The following NRCAM variants were observed in gnomAD, a reference collection of about 807,000 sequenced individuals.
The protein encoded by NRCAM is neuronal cell adhesion molecule, also known as NgCAM-related cell adhesion molecule.
A neutral mutation model predicts 156.5 loss-of-function variants in NRCAM; 83 were observed. The observed-to-expected ratio is 0.53, with a 90% CI of 0.44 to 0.64. The LOEUF (loss-of-function observed/expected upper bound fraction) is 0.64. NRCAM is among the 30% of genes least tolerant of loss of function. NRCAM has a pLI of 0.00. For synonymous variants in NRCAM, 538 were observed against 563.9 expected (o/e 0.95, Z 0.65); for missense variants, 1,417 against 1,597.3 (o/e 0.89, Z 1.92).
At chr7:108,172,439 G>A (rs1003576004) in intron 28 of NRCAM, among the ~76,000 whole-genome samples, 2 of 152,098 alleles carry the variant, frequency 1.3e-5, no homozygotes, top group East Asian at 3.9e-4. Flanking sequence ...AGGACTACAG[G>A]TGTGTACTAC....
intron 11 of NRCAM, among the ~76,000 whole-genome samples, chr7:108,222,039 T>C (rs974476635): frequency 3.9e-5 from 6 of 152,062 alleles, no homozygotes; most frequent in Non-Finnish European, 5.9e-5. Context: ...ATGTATCTGA[T>C]GAAATAGCTT....
intron 3 of NRCAM, among the ~76,000 whole-genome samples, chr7:108,252,671 T>G (rs1001310285): frequency 6.6e-6 from 1 of 152,250 alleles, no homozygotes; most frequent in Non-Finnish European, 1.5e-5. Flanking sequence ...GTGTTTTCTC[T>G]GTCCATTTAA....
At chr7:108,327,783 C>T (rs1014824127) in intron 2 of NRCAM, among the ~76,000 whole-genome samples, 1 of 152,072 alleles carries the variant, frequency 6.6e-6, no homozygotes, top group African/African-American at 2.4e-5. Context: ...ATACAAAAAA[C>T]CTAAGGGAAA....
chr7:108,387,374 T>C (rs767381973), intron 2 of NRCAM, among the ~76,000 whole-genome samples: 1 of 152,148 alleles, frequency 6.6e-6, no homozygotes, highest in African/African-American at 2.4e-5. Flanking sequence ...GCTCTCTGTA[T>C]TGTCCAATTG....
At chr7:108,213,403 A>G (rs569141389) in intron 11 of NRCAM, among the ~76,000 whole-genome samples, 6 of 152,352 alleles carry the variant, frequency 3.9e-5, no homozygotes, top group Non-Finnish European at 7.3e-5. Context: ...AATGAATGCA[A>G]GGGTATCTCA....
At chr7:108,233,709 T>C (rs541852676) in intron 6 of NRCAM, among the ~76,000 whole-genome samples, 2 of 152,316 alleles carry the variant, frequency 1.3e-5, no homozygotes, top group South Asian at 4.1e-4. Flanking sequence ...AGGGGCCAGT[T>C]TGTGATAATT....
At chr7:108,406,714 T>C (rs528011894) in intron 1 of NRCAM, among the ~76,000 whole-genome samples, 3 of 152,356 alleles carry the variant, frequency 2.0e-5, no homozygotes, top group African/African-American at 7.2e-5. Context: ...AACCTTGAAC[T>C]TGAGTTTAAT....
rs920426082 is a variant in NRCAM, at chr7:108,456,403, G to C, written c.-492C>G. ...GCGCGTCTGAGGCTCGGACTGCGGC[G>C]CGCGTCCGCCAGCGACCCTGGCGAA... On this transcript the variant is annotated 5_prime_UTR_variant, in exon 1 of 33. Coordinates refer to ENST00000379028, the MANE Select transcript of NRCAM (RefSeq NM_001037132.4). The C allele has an allele frequency of 4.1e-4, 62 of 150,880 alleles. No homozygotes were observed. Among genetic ancestry groups the C allele is most frequent in the African/African-American group, 1.5e-3 (61 of 41,192 alleles). 9.3% of individuals were successfully genotyped at this position (150,880 alleles called of 1,614,324 possible).
At chr7:108,365,895 C>G (rs1040462213) in intron 2 of NRCAM, among the ~76,000 whole-genome samples, 2 of 152,076 alleles carry the variant, frequency 1.3e-5, no homozygotes, top group African/African-American at 4.8e-5. Context: ...TTAGGTATTG[C>G]TGTGGTCTGA....
intron 5 of NRCAM, 61 bp from the exon 6 acceptor site, chr7:108,234,749 A>AT (rs755209320): frequency 1.8e-5 from 21 of 1,160,030 alleles, no homozygotes; most frequent in Non-Finnish European, 2.6e-5. Context: ...AATAGTAGCC[A>AT]TTTTTTCCTG....
chr7:108,182,104 A>AT (rs5886443), intron 23 of NRCAM, among the ~76,000 whole-genome samples, 167 bp from the exon 24 acceptor site: 13 of 150,324 alleles, frequency 8.6e-5, no homozygotes, highest in African/African-American at 2.9e-4. Flanking sequence ...TTTGTGAGAG[A>AT]TTTTTTTTTT....
intron 13 of NRCAM, among the ~76,000 whole-genome samples, chr7:108,202,021 C>G (rs538348083): frequency 3.9e-5 from 6 of 152,228 alleles, no homozygotes; most frequent in South Asian, 4.1e-4. Context: ...ACATTTGGAG[C>G]CTTTGGATGG....
intron 3 of NRCAM, among the ~76,000 whole-genome samples, chr7:108,288,686 G>A (rs542923740): frequency 9.2e-5 from 14 of 152,180 alleles, no homozygotes; most frequent in African/African-American, 3.4e-4. Context: ...CTATTTAAAT[G>A]CTTCCTAGAA....
chr7:108,388,831 G>T (rs6466223), intron 2 of NRCAM, among the ~76,000 whole-genome samples: 118,933 of 152,082 alleles, frequency 0.78, 47,586 homozygotes, highest in South Asian at 0.9. Flanking sequence ...TTTCCCCATT[G>T]CTTGTTTTTG....
At chr7:108,267,030 T>C (rs2097133110) in intron 3 of NRCAM, among the ~76,000 whole-genome samples, 1 of 152,166 alleles carries the variant, frequency 6.6e-6, no homozygotes, top group South Asian at 2.1e-4. Flanking sequence ...CTTGAACTGG[T>C]TCCTAAGACT....
intron 3 of NRCAM, among the ~76,000 whole-genome samples, chr7:108,255,623 G>T (rs1439151429): frequency 6.6e-6 from 1 of 151,256 alleles, no homozygotes; most frequent in African/African-American, 2.4e-5. Context: ...CTGCCTGGCT[G>T]CCCATCGTCT....
At chr7:108,243,000 T>A (rs1454491370) in intron 3 of NRCAM, 1 of 152,172 alleles carries the variant, frequency 6.6e-6, no homozygotes, top group Non-Finnish European at 1.5e-5. Context: ...TCACAGTGTT[T>A]TATAAAGAAA....
chr7:108,336,201 C>T (rs986473789), intron 2 of NRCAM, among the ~76,000 whole-genome samples: 29 of 152,278 alleles, frequency 1.9e-4, no homozygotes, highest in African/African-American at 6.7e-4. Context: ...GCAGGCAAAT[C>T]CAGGACAGGA....
chr7:108,313,114 T>G (rs886252368), intron 2 of NRCAM: 2 of 152,086 alleles, frequency 1.3e-5, no homozygotes, highest in African/African-American at 4.8e-5. Flanking sequence ...GCATAGAAAT[T>G]TTTTAGGTTA....
Sources: allele counts gnomAD v4.1 joint callset (sites outside exome capture counted in the v4.1 genomes callset), GRCh38; gene constraint gnomAD v4.1.1; transcripts MANE v1.5; gene names NCBI Gene and HGNC (gene_info 2026-07-23, HGNC 2026-07-21).